Variants in TAOK1 observed in about 807,000 individuals in gnomAD.
TAOK1 encodes the protein serine/threonine-protein kinase TAO1.
Under a neutral mutation model 138.3 loss-of-function variants are expected in TAOK1, and 21 were observed. The observed-to-expected ratio is 0.15, with a 90% CI of 0.11 to 0.22. TAOK1 has a LOEUF of 0.22. Among genes scored for constraint, TAOK1 ranks in the 10% least tolerant of loss-of-function variants. The pLI is 1.00. For missense variants in TAOK1, 651 were observed against 1,227.7 expected (o/e 0.53, Z 7.02); for synonymous variants, 361 against 398.4 (o/e 0.91, Z 1.12).
chr17:29,528,046 TTGTGTGTGTG>T (rs534707475), intron 17 of TAOK1, among the ~76,000 whole-genome samples: 1 of 151,626 alleles, frequency 6.6e-6, no homozygotes, highest in African/African-American at 2.4e-5. Flanking sequence ...TTTGTTTGTT[TTGTGTGTGTG>T]TGTGTGTTTT....
intron 1 of TAOK1, among the ~76,000 whole-genome samples, chr17:29,399,896 ATTT>A (rs923100413): frequency 6.6e-6 from 1 of 150,700 alleles, no homozygotes; most frequent in Non-Finnish European, 1.5e-5. Context: ...CACCTGGCTA[ATTT>A]TTTTTTATTT....
intron 12 of TAOK1, among the ~76,000 whole-genome samples, chr17:29,499,472 T>C (rs374339374): frequency 1.3e-5 from 2 of 151,980 alleles, no homozygotes; most frequent in African/African-American, 4.8e-5. Flanking sequence ...CCTCAAGTGA[T>C]CCACCTGCCT....
intron 14 of TAOK1, among the ~76,000 whole-genome samples, chr17:29,510,623 C>T (rs532890523): frequency 7.2e-5 from 11 of 152,200 alleles, no homozygotes; most frequent in Non-Finnish European, 1.5e-4. Context: ...AAGTTGACAA[C>T]ATTTTTGACC....
In TAOK1 at chr17:29,543,059, C is replaced by T; in HGVS notation, c.*37C>T. 1 of 1,491,408 alleles carries T rather than the reference C, an allele frequency of 6.7e-7. No homozygotes were observed. The highest frequency in any genetic ancestry group is 9.0e-7 in the Non-Finnish European group (1 of 1,110,760). 92.4% of individuals were successfully genotyped at this position (1,491,408 alleles called of 1,614,324 possible). On this transcript the variant is annotated 3_prime_UTR_variant, in exon 20 of 20. Coordinates refer to ENST00000261716, the MANE Select transcript of TAOK1 (RefSeq NM_020791.4). ...AGAGTGGCAATTCCGCTGGAGCTGT[C>T]TGCCAAAAGAAACTGCCTACAGACA...
In TAOK1 at chr17:29,542,646, C is replaced by G; in HGVS notation, c.2630C>G (p.Ala877Gly). Residue 877 changes from alanine (A) to glycine (G), a missense_variant, in exon 20 of 20, where the codon GCT becomes GGT. Physicochemically the swap from Ala to Gly is moderately conservative, Grantham distance 60 (BLOSUM62 0). Coordinates refer to ENST00000261716, the MANE Select transcript of TAOK1 (RefSeq NM_020791.4). ...GAACGTCAAGCCAGAGAGATTGAAG[C>G]TTTTGACTCTGAAAGCATGAGACTA... ...LLERQAREIEAFDSESMRLGF... is the reference protein window; with the variant it reads ...LLERQAREIEGFDSESMRLGF... The G allele has an allele frequency of 1.2e-6, 2 of 1,614,252 alleles. No homozygotes were observed. The highest frequency in any genetic ancestry group is 2.2e-5 in the South Asian group (2 of 91,086).
At chr17:29,392,102 G>C (rs1037132252) in intron 1 of TAOK1, among the ~76,000 whole-genome samples, 15 of 152,156 alleles carry the variant, frequency 9.9e-5, no homozygotes, top group African/African-American at 3.6e-4. Context: ...TGTAGTCCCA[G>C]CTACTCGGGA....
At chr17:29,471,034 G>A (rs1598495099) in intron 3 of TAOK1, among the ~76,000 whole-genome samples, 2 of 152,088 alleles carry the variant, frequency 1.3e-5, no homozygotes, top group East Asian at 3.9e-4. Context: ...GCTGAGGCAG[G>A]ATAATCACTT....
At chr17:29,511,843 G>A (rs767055224) in intron 15 of TAOK1, 4 of 152,130 alleles carry the variant, frequency 2.6e-5, no homozygotes, top group Non-Finnish European at 2.9e-5. Flanking sequence ...CACCGCACCT[G>A]ATCACATTTA....
chr17:29,531,889 C>A (rs2032118688), intron 18 of TAOK1, among the ~76,000 whole-genome samples: 1 of 142,852 alleles, frequency 7.0e-6, no homozygotes, highest in South Asian at 2.2e-4. Flanking sequence ...GAGACGGAGT[C>A]TCGCTCTGTC....
At chr17:29,408,839 A>G (rs1905066898) in intron 1 of TAOK1, among the ~76,000 whole-genome samples, 1 of 151,900 alleles carries the variant, frequency 6.6e-6, no homozygotes, top group Non-Finnish European at 1.5e-5. Context: ...CAGCCTCCCA[A>G]GTAGCTGGGA....
At chr17:29,506,505 CA>C (rs1208267890) in intron 13 of TAOK1, among the ~76,000 whole-genome samples, 1 of 151,970 alleles carries the variant, frequency 6.6e-6, no homozygotes, top group Admixed American at 6.6e-5. Flanking sequence ...TCAAAATGTA[CA>C]AAGTTTCAGA....
At chr17:29,391,965 C>G (rs1470211388) in intron 1 of TAOK1, among the ~76,000 whole-genome samples, 2 of 152,122 alleles carry the variant, frequency 1.3e-5, no homozygotes, top group Non-Finnish European at 2.9e-5. Context: ...GCCTGTAATC[C>G]CAGCACTTTG....
At chr17:29,415,381 A>G (rs114345854) in intron 1 of TAOK1, among the ~76,000 whole-genome samples, 36 of 152,332 alleles carry the variant, frequency 2.4e-4, no homozygotes, top group African/African-American at 8.7e-4. Flanking sequence ...TTGTTGGGTC[A>G]CATGATAATT....
intron 2 of TAOK1, among the ~76,000 whole-genome samples, chr17:29,455,341 T>C (rs1182848329): frequency 6.6e-6 from 1 of 150,752 alleles, no homozygotes; most frequent in African/African-American, 2.5e-5. Flanking sequence ...ACCCTACAAC[T>C]CTGCTGAGTT....
intron 1 of TAOK1, among the ~76,000 whole-genome samples, chr17:29,442,792 C>T (rs1474204530): frequency 6.6e-6 from 1 of 152,130 alleles, no homozygotes; most frequent in African/African-American, 2.4e-5. Context: ...CATGGTGGCT[C>T]ATGCCTGTAA....
In TAOK1 at chr17:29,482,193, C is replaced by G. The variant is rs746407808; in HGVS notation, c.564-4C>G. On this transcript the variant is annotated splice_region_variant and splice_polypyrimidine_tract_variant and intron_variant, in intron 7 of 19. Transcript: ENST00000261716. ...CTTTAATTTAAATTAACGTTTTGTTCTAGGATGGCCCCAGAAGTAATTTTA... is the reference window on the plus strand; with the variant it reads ...CTTTAATTTAAATTAACGTTTTGTTGTAGGATGGCCCCAGAAGTAATTTTA... 1 of 1,604,042 alleles carries G rather than the reference C, an allele frequency of 6.2e-7. No homozygotes were observed. Among genetic ancestry groups the G allele is most frequent in the Non-Finnish European group, 8.5e-7 (1 of 1,175,372 alleles).
Position 29,481,755 on chromosome 17 carries a change from C to T in TAOK1, c.564-442C>T, listed in dbSNP as rs180972250. Among the ~76,000 whole-genome samples the T allele has an allele frequency of 5.0e-3, 755 of 151,930 alleles. 12 individuals are homozygous for T. Among genetic ancestry groups the T allele is most frequent in the African/African-American group, 0.018 (728 of 41,468 alleles). On this transcript the variant is annotated intron_variant, in intron 7 of 19. Coordinates refer to ENST00000261716, the MANE Select transcript of TAOK1 (RefSeq NM_020791.4). The stretch of plus-strand genomic sequence containing the variant: ...CGGGCGGATCACCAGGTCAGGAGAT[C>T]GAGACCATCCTGGCTAACACGGTGA...
At chr17:29,456,984 C>T (rs1182388930) in intron 2 of TAOK1, among the ~76,000 whole-genome samples, 2 of 150,060 alleles carry the variant, frequency 1.3e-5, no homozygotes, top group African/African-American at 5.1e-5. Flanking sequence ...CCGCCTTCCT[C>T]GGCCTCCCAA....
chr17:29,464,994 T>C (rs2030624834), intron 2 of TAOK1, among the ~76,000 whole-genome samples: 1 of 151,860 alleles, frequency 6.6e-6, no homozygotes, highest in Non-Finnish European at 1.5e-5. Context: ...CTAATTTTTA[T>C]ATTTTTGGTA....
Sources: allele counts gnomAD v4.1 joint callset (sites outside exome capture counted in the v4.1 genomes callset), GRCh38; gene constraint gnomAD v4.1.1; transcripts MANE v1.5; gene names NCBI Gene and HGNC (gene_info 2026-07-23, HGNC 2026-07-21).